Variants in WDR27 observed in about 807,000 individuals in gnomAD.
WDR27 encodes WD repeat-containing protein 27.
In WDR27, 100 loss-of-function variants were observed where a neutral mutation model predicts 114.4. The observed-to-expected ratio is 0.87, with a 90% CI of 0.74 to 1.03. WDR27 has a LOEUF of 1.03. Ranked by LOEUF, WDR27 falls within the 50% of genes least tolerant of loss-of-function variation. The probability of loss-of-function intolerance (pLI) is 0.00; values close to 1 mark genes in which losing one functional copy is unlikely to be tolerated. For synonymous variants in WDR27, 449 were observed against 423.1 expected (o/e 1.06, Z -0.75); for missense variants, 1,129 against 1,092.9 (o/e 1.03, Z -0.47).
intron 12 of WDR27, among the ~76,000 whole-genome samples, chr6:169,658,603 A>C (rs1204129745): frequency 6.6e-6 from 1 of 152,108 alleles, no homozygotes; most frequent in Non-Finnish European, 1.5e-5. Flanking sequence ...AAAATAAACT[A>C]TCAACTATTT....
chr6:169,490,550 G>T (rs1387372273), intron 25 of WDR27, among the ~76,000 whole-genome samples: 2 of 152,202 alleles, frequency 1.3e-5, no homozygotes, highest in African/African-American at 4.8e-5. Context: ...GCCAAGGTCC[G>T]ATATCAGTTG....
chr6:169,653,351 C>G (rs1385874711), intron 13 of WDR27, among the ~76,000 whole-genome samples: 1 of 152,022 alleles, frequency 6.6e-6, no homozygotes, highest in Non-Finnish European at 1.5e-5. Context: ...TTTTACATTG[C>G]ACAACAATGT....
intron 25 of WDR27, chr6:169,559,324 G>C (rs1799346207): frequency 6.6e-6 from 1 of 152,182 alleles, no homozygotes; most frequent in African/African-American, 2.4e-5. Context: ...GACTTTGCTA[G>C]AATCTGCAGA....
chr6:169,633,441 GACTAAGATT>G (rs1562758548), intron 20 of WDR27, among the ~76,000 whole-genome samples: 1 of 152,212 alleles, frequency 6.6e-6, no homozygotes, highest in East Asian at 1.9e-4. Context: ...GAAAGGGCTG[GACTAAGATT>G]AGACAGATCC....
chr6:169,649,851 C>T (rs1042686090), intron 14 of WDR27, among the ~76,000 whole-genome samples: 2 of 149,752 alleles, frequency 1.3e-5, no homozygotes, highest in African/African-American at 4.9e-5. Flanking sequence ...CCATCCATCC[C>T]CCCCATCAAT....
At chr6:169,663,376 G>T (rs1585008399) in intron 8 of WDR27, among the ~76,000 whole-genome samples, 1 of 151,898 alleles carries the variant, frequency 6.6e-6, no homozygotes, top group Non-Finnish European at 1.5e-5. Context: ...CAACCTAAAA[G>T]AAAGAATGAG....
chr6:169,664,393 C>A, intron 7 of WDR27, 107 bp from the exon 8 acceptor site: 2 of 1,579,300 alleles, frequency 1.3e-6, no homozygotes, highest in South Asian at 1.1e-5. Flanking sequence ...ACAGGACGGG[C>A]CCTCCACGGC....
chr6:169,486,987 T>C (rs916793758), intron 25 of WDR27, among the ~76,000 whole-genome samples: 6 of 152,338 alleles, frequency 3.9e-5, no homozygotes, highest in Non-Finnish European at 8.8e-5. Context: ...AAGCAAGTCC[T>C]GGTGCCCATG....
the WDR27 span, among the ~76,000 whole-genome samples, chr6:169,440,579 T>C: frequency 6.6e-6 from 1 of 152,156 alleles, no homozygotes; most frequent in Non-Finnish European, 1.5e-5. Flanking sequence ...CCGTTGCCCC[T>C]CTTAATGCCT....
chr6:169,561,525 T>C (rs545522088), intron 25 of WDR27, among the ~76,000 whole-genome samples: 1 of 152,222 alleles, frequency 6.6e-6, no homozygotes, highest in African/African-American at 2.4e-5. Context: ...TAAAGATTTA[T>C]ACTTTAAATT....
chr6:169,438,245 T>C, the WDR27 span, among the ~76,000 whole-genome samples: 1 of 146,804 alleles, frequency 6.8e-6, no homozygotes, highest in East Asian at 2.0e-4. Context: ...TCTTTTTTTT[T>C]TTTTTTTTTT....
chr6:169,484,532 G>A (rs960604276), intron 25 of WDR27, among the ~76,000 whole-genome samples: 2 of 151,924 alleles, frequency 1.3e-5, no homozygotes, highest in Non-Finnish European at 2.9e-5. Flanking sequence ...GGAAACAAAC[G>A]AATGAAAAAA....
chr6:169,577,030 T>C (rs1000710041), intron 24 of WDR27, among the ~76,000 whole-genome samples: 4 of 151,186 alleles, frequency 2.6e-5, no homozygotes, highest in African/African-American at 9.8e-5. Context: ...GAATGTAAAC[T>C]GGCTTAATTG....
intron 23 of WDR27, among the ~76,000 whole-genome samples, chr6:169,600,720 G>A (rs1238893649): frequency 6.6e-6 from 1 of 152,196 alleles, no homozygotes; most frequent in African/African-American, 2.4e-5. Context: ...ATCAGTGATG[G>A]AAGATCAAAT....
rs1234743771 is a variant in WDR27, at chr6:169,621,616, ACG to A, written c.2224-7962_2224-7961del. Among the ~76,000 whole-genome samples, 7 of 152,082 alleles carry A rather than the reference ACG, an allele frequency of 4.6e-5. No individual in the cohort carries two copies. The South Asian group carries it at 6.2e-4, about 13-fold the overall frequency. On this transcript the variant is annotated intron_variant, in intron 21 of 25. Coordinates refer to ENST00000448612, the MANE Select transcript of WDR27 (RefSeq NM_182552.5). ...CATATACATACCCACACATGCATTC[ACG>A]CATATACATACCCACACATGCATAT...
chr6:169,599,426 C>T (rs1270935371), intron 23 of WDR27, among the ~76,000 whole-genome samples: 1 of 152,060 alleles, frequency 6.6e-6, no homozygotes, highest in Non-Finnish European at 1.5e-5. Context: ...TAATTATTGC[C>T]TCAATTTCAG....
chr6:169,639,436 G>A (rs1168663888), intron 17 of WDR27, among the ~76,000 whole-genome samples: 1 of 151,816 alleles, frequency 6.6e-6, no homozygotes, highest in Non-Finnish European at 1.5e-5. Flanking sequence ...TAATGTATCA[G>A]TATTTTAAAG....
intron 22 of WDR27, among the ~76,000 whole-genome samples, chr6:169,606,174 G>T (rs1809139375): frequency 6.6e-6 from 1 of 152,090 alleles, no homozygotes; most frequent in East Asian, 1.9e-4. Flanking sequence ...TGGAAAACCT[G>T]CAGAATGGGG....
chr6:169,701,083 C>T (rs1253448435), intron 1 of WDR27, among the ~76,000 whole-genome samples: 1 of 152,204 alleles, frequency 6.6e-6, no homozygotes, highest in Non-Finnish European at 1.5e-5. Context: ...AAACTGGAAG[C>T]TGTAGAGTTA....
Sources: allele counts gnomAD v4.1 joint callset (sites outside exome capture counted in the v4.1 genomes callset), GRCh38; gene constraint gnomAD v4.1.1; transcripts MANE v1.5; gene names NCBI Gene and HGNC (gene_info 2026-07-23, HGNC 2026-07-21).